The following ZNG1B variants were observed in gnomAD, a reference collection of about 807,000 sequenced individuals.
ZNG1B encodes Zn regulated GTPase metalloprotein activator 1B, also known as zinc-regulated GTPase metalloprotein activator 1B.
the ZNG1B span, chr2:113,445,039 T>C: frequency 6.2e-7 from 1 of 1,610,578 alleles, no homozygotes; most frequent in African/African-American, 1.3e-5. Context: ...TAGAGACCAC[T>C]GGATTGGCAG....
the ZNG1B span, among the ~76,000 whole-genome samples, chr2:113,453,687 AC>A: frequency 3.3e-5 from 5 of 149,530 alleles, no homozygotes; most frequent in South Asian, 1.1e-3. Flanking sequence ...AGATTAAAAA[AC>A]CCCAGACAGT....
At chr2:113,470,127 G>C in the ZNG1B span, 40,508 of 150,896 alleles carry the variant, frequency 0.27, 5,865 homozygotes, top group East Asian at 0.52. Flanking sequence ...GAGTAGCTGG[G>C]ACTACAGGTG....
chr2:113,448,632 C>T, the ZNG1B span, among the ~76,000 whole-genome samples: 43 of 151,898 alleles, frequency 2.8e-4, no homozygotes, highest in Middle Eastern at 0.01. Flanking sequence ...TGGCCGGGCT[C>T]GGTGGCTCAT....
At chr2:113,492,270 A>T in the ZNG1B span, among the ~76,000 whole-genome samples, 9 of 140,132 alleles carry the variant, frequency 6.4e-5, 1 homozygote, top group African/African-American at 2.1e-4. Flanking sequence ...TGGATAAAGT[A>T]ACTGTGATAT....
the ZNG1B span, chr2:113,466,841 G>T: frequency 1.1e-6 from 1 of 948,946 alleles, no homozygotes; most frequent in Non-Finnish European, 1.3e-6. Flanking sequence ...AAGGTGGGCG[G>T]ATCACGAGAT....
At chr2:113,441,263 T>A in the ZNG1B span, 1 of 1,400,138 alleles carries the variant, frequency 7.1e-7, no homozygotes, top group East Asian at 2.5e-5. Context: ...AGCACGCAAA[T>A]TCTCAAAAAC....
At chr2:113,462,739 A>G in the ZNG1B span, 5 of 523,818 alleles carry the variant, frequency 9.5e-6, no homozygotes, top group Non-Finnish European at 1.7e-5. Flanking sequence ...TTCGCACTCC[A>G]TCTTTCTTTT....
the ZNG1B span, among the ~76,000 whole-genome samples, chr2:113,480,255 C>A: frequency 7.5e-4 from 113 of 151,162 alleles, no homozygotes; most frequent in African/African-American, 2.7e-3. Flanking sequence ...ATCCTCCCAT[C>A]TCAGCCTCCT....
the ZNG1B span, among the ~76,000 whole-genome samples, chr2:113,492,102 T>G: frequency 1.4e-5 from 2 of 138,758 alleles, 1 homozygote; most frequent in South Asian, 4.8e-4. Flanking sequence ...GAACTAAAAG[T>G]AGAACTATCA....
the ZNG1B span, among the ~76,000 whole-genome samples, chr2:113,478,095 C>T: frequency 1.1e-4 from 16 of 152,028 alleles, no homozygotes; most frequent in African/African-American, 3.4e-4. Context: ...CACAGCTTGG[C>T]TATTGCAAAT....
the ZNG1B span, among the ~76,000 whole-genome samples, chr2:113,445,796 A>AT: frequency 0.14 from 17,783 of 125,518 alleles, 1,383 homozygotes; most frequent in East Asian, 0.2. Context: ...CCATACCATT[A>AT]TTTTTTTTTT....
the ZNG1B span, among the ~76,000 whole-genome samples, chr2:113,488,913 A>ATTT: frequency 6.6e-6 from 1 of 151,598 alleles, no homozygotes; most frequent in Admixed American, 6.6e-5. Flanking sequence ...CCTGAGGAAG[A>ATTT]AGAGAAATCT....
chr2:113,472,879 GT>G, the ZNG1B span, among the ~76,000 whole-genome samples: 5 of 151,576 alleles, frequency 3.3e-5, no homozygotes, highest in African/African-American at 1.2e-4. Flanking sequence ...TGCTGTTTTG[GT>G]TACTGTAGCC....
At chr2:113,448,866 G>A in the ZNG1B span, among the ~76,000 whole-genome samples, 6,622 of 150,732 alleles carry the variant, frequency 0.044, 496 homozygotes, top group African/African-American at 0.15. Context: ...ATTGCACATT[G>A]CACTCCAGCC....
chr2:113,464,219 CAG>C, the ZNG1B span, among the ~76,000 whole-genome samples: 10 of 115,748 alleles, frequency 8.6e-5, no homozygotes, highest in Admixed American at 6.8e-4. Context: ...GTGACTGACT[CAG>C]AATGATATTT....
At chr2:113,475,594 T>G in the ZNG1B span, among the ~76,000 whole-genome samples, 1 of 151,956 alleles carries the variant, frequency 6.6e-6, no homozygotes, top group African/African-American at 2.4e-5. Flanking sequence ...TGGATGGTCT[T>G]TACATTTTGG....
chr2:113,465,504 G>GT, the ZNG1B span, among the ~76,000 whole-genome samples: 28,636 of 146,140 alleles, frequency 0.2, 2,005 homozygotes, highest in East Asian at 0.45. Context: ...AATTTGAAGT[G>GT]TTTAAATGGC....
the ZNG1B span, among the ~76,000 whole-genome samples, chr2:113,443,525 G>T: frequency 6.8e-6 from 1 of 147,794 alleles, no homozygotes; most frequent in Non-Finnish European, 1.5e-5. Context: ...GCCTAAGGAG[G>T]AAGTAGGTAT....
the ZNG1B span, among the ~76,000 whole-genome samples, chr2:113,476,321 G>A: frequency 4.0e-5 from 6 of 151,300 alleles, no homozygotes. Context: ...TAGTTCTTGA[G>A]CCTTGGTTTT....
Sources: gnomAD v4.1 joint callset for allele counts (sites outside exome capture counted in the v4.1 genomes callset) on GRCh38, gnomAD v4.1.1 for gene constraint, MANE v1.5 for transcripts, NCBI Gene and HGNC (gene_info 2026-07-23, HGNC 2026-07-21) for gene names.